Variants in MME observed in about 807,000 individuals in gnomAD.
The protein encoded by MME is membrane metalloendopeptidase, also known as neprilysin.
A neutral mutation model predicts 113.2 loss-of-function variants in MME; 98 were observed. That is an observed-to-expected ratio of 0.87 (90% CI 0.74 to 1.02). MME has a LOEUF of 1.02. Ranked by LOEUF, MME falls within the 50% of genes least tolerant of loss-of-function variation. The pLI is 0.00. For missense variants in MME, 836 were observed against 896.0 expected (o/e 0.93, Z 0.86); for synonymous variants, 292 against 300.6 (o/e 0.97, Z 0.30).
chr3:155,148,427 G>C, intron 15 of MME, 123 bp from the exon 16 acceptor site: 2 of 681,102 alleles, frequency 2.9e-6, no homozygotes, highest in Non-Finnish European at 5.1e-6. Context: ...TTTTTGGTAA[G>C]TTTTTTAATG....
intron 5 of MME, 44 bp downstream of exon 5, chr3:155,116,603 T>C (rs1446245635): frequency 6.8e-7 from 1 of 1,477,370 alleles, no homozygotes; most frequent in Non-Finnish European, 9.4e-7. Context: ...TATATATATA[T>C]ATATTGGTGC....
intron 16 of MME, among the ~76,000 whole-genome samples, chr3:155,155,934 A>G (rs1393423434): frequency 6.6e-6 from 1 of 152,246 alleles, no homozygotes; most frequent in Non-Finnish European, 1.5e-5. Flanking sequence ...AACTGGTAAC[A>G]TCTAGGAAAA....
At chr3:155,152,480 A>T (rs60452670) in intron 16 of MME, among the ~76,000 whole-genome samples, 5,879 of 152,272 alleles carry the variant, frequency 0.039, 181 homozygotes, top group East Asian at 0.11. Flanking sequence ...GTTTATGGGA[A>T]GAATAAATGA....
In MME at chr3:155,118,966, G is replaced by C. The variant is rs1265240123; in HGVS notation, c.720+155G>C. Among the ~76,000 whole-genome samples, 3 of 152,132 alleles carry C rather than the reference G, an allele frequency of 2.0e-5. No homozygotes were observed. The East Asian group carries it at 5.8e-4, about 29-fold the overall frequency. On this transcript the variant is annotated intron_variant, in intron 8 of 22. Coordinates refer to ENST00000360490, the MANE Select transcript of MME (RefSeq NM_007289.4). Reference sequence around the variant, plus strand: ...TCACACATAATAGTGAGCTGTCTTTGATAGAATGAACATTCTCAATAGAAT... The same window carrying C: ...TCACACATAATAGTGAGCTGTCTTTCATAGAATGAACATTCTCAATAGAAT...
intron 1 of MME, among the ~76,000 whole-genome samples, chr3:155,037,010 C>G (rs1380164436): frequency 6.6e-6 from 1 of 152,172 alleles, no homozygotes; most frequent in African/African-American, 2.4e-5. Context: ...TGCCTTGGCA[C>G]CTTTTTAAAA....
intron 16 of MME, chr3:155,159,058 G>A (rs1450624682): frequency 6.6e-6 from 1 of 151,896 alleles, no homozygotes; most frequent in South Asian, 2.1e-4. Flanking sequence ...GTCTTGATAA[G>A]TTGTTGTAGA....
In MME at chr3:155,147,241, T is replaced by C. The variant is rs1416652320; in HGVS notation, c.1497+17T>C. On this transcript the variant is annotated intron_variant, in intron 15 of 22. Coordinates refer to ENST00000360490, the MANE Select transcript of MME (RefSeq NM_007289.4). ...TACCTCGAGGTAAGTCTCTATAAAA[T>C]AGACTCTGGACTACTGATACTTAGG... The C allele has an allele frequency of 2.7e-6, 4 of 1,472,120 alleles. No individual in the cohort carries two copies. Among genetic ancestry groups the C allele is most frequent in the Non-Finnish European group, 3.8e-6 (4 of 1,050,940 alleles). The allele number at this position is 1,472,120 out of a possible 1,614,324, so 91.2% of individuals were successfully genotyped here. A position where few individuals can be genotyped will look rare whatever the true frequency, so the allele number is the denominator to read the frequency against.
In MME at chr3:155,176,120, C is replaced by T. The variant is rs76409138; in HGVS notation, c.2153+3508C>T. Among the ~76,000 whole-genome samples the T allele has an allele frequency of 3.6e-3, 553 of 152,228 alleles. 21 individuals are homozygous for T. In the East Asian group the frequency reaches 0.089, roughly 25 times the overall value. ...AAGGCAGTTAACTATGTAGCCAAGT[C>T]ATTCATTTACAAGAATTAACAAAAG... is the stretch of plus-strand genomic sequence containing the variant. On this transcript the variant is annotated intron_variant, in intron 22 of 22. Transcript: ENST00000360490.
In MME at chr3:155,066,307, T is replaced by G. The variant is rs765065594; in HGVS notation, c.-10-17851T>G. Among the ~76,000 whole-genome samples, 41 of 152,194 alleles carry G rather than the reference T, an allele frequency of 2.7e-4. 2 individuals carry two copies. The highest frequency in any genetic ancestry group is 5.1e-4 in the Non-Finnish European group (35 of 68,034). ...TAATCACAGATGTGAATATGCATGATTATTGCCCTCTTTGTATTTTTTTGA... is the reference window on the plus strand; with the variant it reads ...TAATCACAGATGTGAATATGCATGAGTATTGCCCTCTTTGTATTTTTTTGA... On this transcript the variant is annotated intron_variant, in intron 1 of 22. Transcript: ENST00000492661.
chr3:155,138,627 G>T (rs1465823455), intron 9 of MME, among the ~76,000 whole-genome samples: 1 of 152,172 alleles, frequency 6.6e-6, no homozygotes, highest in African/African-American at 2.4e-5. Flanking sequence ...AGTGATCACA[G>T]AGATTGTCTC....
intron 16 of MME, among the ~76,000 whole-genome samples, chr3:155,154,848 A>T (rs192620367): frequency 6.6e-6 from 1 of 152,248 alleles, no homozygotes; most frequent in East Asian, 1.9e-4. Flanking sequence ...GAGACAAATG[A>T]CTCTCCATAA....
At chr3:155,125,534 A>G (rs1290859349) in intron 8 of MME, among the ~76,000 whole-genome samples, 3 of 129,366 alleles carry the variant, frequency 2.3e-5, no homozygotes, top group African/African-American at 8.8e-5. Flanking sequence ...ATCTTGGGTC[A>G]CTGCAACCTC....
intron 8 of MME, among the ~76,000 whole-genome samples, chr3:155,126,289 T>G (rs547388069): frequency 6.6e-6 from 1 of 152,312 alleles, no homozygotes; most frequent in East Asian, 1.9e-4. Context: ...GCTTTTCATA[T>G]TTAGGATTGT....
At chr3:155,180,267 A>T in intron 22 of MME, 93 bp from the exon 23 acceptor site, 2 of 908,600 alleles carry the variant, frequency 2.2e-6, no homozygotes, top group Non-Finnish European at 3.7e-6. Context: ...AAATTCATTC[A>T]CTTGACCTGC....
In MME at chr3:155,180,662, AG is replaced by A. The variant is rs373943993; in HGVS notation, c.*204del. On this transcript the variant is annotated 3_prime_UTR_variant, in exon 23 of 23. Coordinates refer to ENST00000360490, the MANE Select transcript of MME (RefSeq NM_007289.4). ...GAGGAAGGGGGTCTAAGGTCTATCA[AG>A]TCAATCATTTCTCACTGTGTACATA... The A allele has an allele frequency of 8.6e-6, 5 of 582,056 alleles. No individual in the cohort carries two copies. The highest frequency in any genetic ancestry group is 5.7e-5 in the African/African-American group (3 of 53,018). 36.1% of individuals were successfully genotyped at this position (582,056 alleles called of 1,614,324 possible).
intron 3 of MME, among the ~76,000 whole-genome samples, chr3:155,097,600 A>G (rs1018729954): frequency 6.6e-6 from 1 of 152,186 alleles, no homozygotes; most frequent in African/African-American, 2.4e-5. Context: ...AGAGAAAAGA[A>G]TATAGGATGA....
intron 8 of MME, among the ~76,000 whole-genome samples, chr3:155,132,150 C>G (rs1720193375): frequency 6.6e-6 from 1 of 152,174 alleles, no homozygotes; most frequent in African/African-American, 2.4e-5. Context: ...ACCCAGATAT[C>G]AATCTGACAG....
chr3:155,168,045 G>T (rs967345679), intron 18 of MME, among the ~76,000 whole-genome samples: 1 of 152,182 alleles, frequency 6.6e-6, no homozygotes, highest in Non-Finnish European at 1.5e-5. Flanking sequence ...AGGAGAAAAA[G>T]ACTTTTTTTG....
intron 3 of MME, among the ~76,000 whole-genome samples, chr3:155,099,878 T>C (rs1717052925): frequency 1.3e-5 from 2 of 152,226 alleles, no homozygotes; most frequent in Non-Finnish European, 2.9e-5. Context: ...TGTGTCTTTA[T>C]AGCAGCATGA....
Sources: gnomAD v4.1 joint callset for allele counts (sites outside exome capture counted in the v4.1 genomes callset) on GRCh38, gnomAD v4.1.1 for gene constraint, MANE v1.5 for transcripts, NCBI Gene and HGNC (gene_info 2026-07-23, HGNC 2026-07-21) for gene names.